Variants in GRK5 observed in about 807,000 individuals in gnomAD.
The protein encoded by GRK5 is G protein-coupled receptor kinase 5.
A neutral mutation model predicts 78.4 loss-of-function variants in GRK5; 40 were observed. The ratio of observed to expected loss-of-function variants is 0.51; its 90% CI spans 0.40 to 0.66. GRK5 has a LOEUF of 0.66. Ranked by LOEUF, GRK5 falls within the 30% of genes least tolerant of loss-of-function variation. The probability of loss-of-function intolerance (pLI) is 0.00; values close to 1 mark genes in which losing one functional copy is unlikely to be tolerated. For synonymous variants in GRK5, 289 were observed against 296.8 expected (o/e 0.97, Z 0.27); for missense variants, 598 against 759.9 (o/e 0.79, Z 2.50).
At chr10:119,403,082 C>T (rs1241198963) in intron 4 of GRK5, among the ~76,000 whole-genome samples, 1 of 152,226 alleles carries the variant, frequency 6.6e-6, no homozygotes, top group Non-Finnish European at 1.5e-5. Context: ...CAGGCCCTGA[C>T]AGCCACTAAT....
intron 4 of GRK5, 119 bp from the exon 5 acceptor site, chr10:119,423,047 G>A: frequency 2.8e-6 from 2 of 717,600 alleles, no homozygotes; most frequent in South Asian, 1.6e-5. Context: ...GCACAGACGG[G>A]CTGCCAGATG....
At chr10:119,447,389 C>T (rs1002342083) in intron 12 of GRK5, among the ~76,000 whole-genome samples, 1 of 152,202 alleles carries the variant, frequency 6.6e-6, no homozygotes, top group Non-Finnish European at 1.5e-5. Context: ...CCCATCTCTG[C>T]ACCCTCCTCC....
chr10:119,400,998 A>T (rs1852140501), intron 4 of GRK5, among the ~76,000 whole-genome samples: 1 of 152,162 alleles, frequency 6.6e-6, no homozygotes, highest in Non-Finnish European at 1.5e-5. Flanking sequence ...TTCATTTTGG[A>T]TGGAGACAGT....
At chr10:119,424,761 C>G (rs548140581) in intron 5 of GRK5, among the ~76,000 whole-genome samples, 12 of 152,290 alleles carry the variant, frequency 7.9e-5, no homozygotes, top group Non-Finnish European at 1.6e-4. Context: ...CCAGCTATAT[C>G]CCAGGGCCTA....
At chr10:119,306,801 T>A (rs1434852634) in intron 1 of GRK5, among the ~76,000 whole-genome samples, 1 of 152,070 alleles carries the variant, frequency 6.6e-6, no homozygotes, top group Non-Finnish European at 1.5e-5. Context: ...TCCCTCCAGG[T>A]GACTCACTGG....
intron 1 of GRK5, among the ~76,000 whole-genome samples, chr10:119,242,584 C>T (rs558521728): frequency 1.1e-4 from 17 of 150,108 alleles, no homozygotes; most frequent in African/African-American, 3.9e-4. Context: ...GGCTTTGTGT[C>T]CCCACCCAAA....
At chr10:119,212,705 G>C (rs1412744453) in intron 1 of GRK5, among the ~76,000 whole-genome samples, 1 of 152,142 alleles carries the variant, frequency 6.6e-6, no homozygotes, top group Non-Finnish European at 1.5e-5. Context: ...GTTACCAAAA[G>C]GCATTATTGT....
At chr10:119,307,302 C>T (rs142632168) in intron 1 of GRK5, among the ~76,000 whole-genome samples, 9 of 152,080 alleles carry the variant, frequency 5.9e-5, no homozygotes, top group African/African-American at 2.2e-4. Flanking sequence ...GAATCATGGT[C>T]CCCTAAAGAT....
intron 1 of GRK5, among the ~76,000 whole-genome samples, chr10:119,250,206 A>G (rs766954608): frequency 2.0e-5 from 3 of 151,972 alleles, no homozygotes; most frequent in Non-Finnish European, 4.4e-5. Flanking sequence ...TGACCTGTAA[A>G]TTTTCATTTT....
rs368066639 is a variant in GRK5, at chr10:119,436,833, C to T, written c.921C>T (p.Thr307=). 1.1e-5 allele frequency: 18 copies of T among 1,599,506 alleles called. No individual in the cohort carries two copies. The African/African-American group carries it at 1.5e-4, about 13-fold the overall frequency. The part of the protein sequence containing the change: ...CGLEDLHREN[T]VYRDLKPENI... The stretch of plus-strand genomic sequence containing the variant: ...TAGAAGACCTCCACCGTGAGAACAC[C>T]GTCTACCGGTGAGTGGAAGGCACCA... Residue 307 remains threonine, a synonymous_variant, in exon 9 of 16, where the codon ACC becomes ACT. Transcript: ENST00000392870.
intron 1 of GRK5, among the ~76,000 whole-genome samples, chr10:119,212,340 A>T (rs1244261182): frequency 6.6e-6 from 1 of 152,252 alleles, no homozygotes; most frequent in African/African-American, 2.4e-5. Context: ...TCAGTAGCTT[A>T]GCTGCTGCTT....
intron 1 of GRK5, among the ~76,000 whole-genome samples, chr10:119,285,098 T>A (rs1052143131): frequency 2.0e-5 from 3 of 151,918 alleles, no homozygotes; most frequent in Admixed American, 6.6e-5. Context: ...AGAGAGGAGG[T>A]CTCAGGGCTC....
chr10:119,341,220 C>T (rs1484952117), intron 2 of GRK5, among the ~76,000 whole-genome samples: 2 of 152,196 alleles, frequency 1.3e-5, no homozygotes, highest in Non-Finnish European at 2.9e-5. Flanking sequence ...CTACTTCCAA[C>T]CAAGCTCCAT....
intron 1 of GRK5, among the ~76,000 whole-genome samples, chr10:119,250,157 ATTGT>A (rs1390948334): frequency 6.6e-6 from 1 of 152,118 alleles, no homozygotes; most frequent in Non-Finnish European, 1.5e-5. Flanking sequence ...GAACATGCTC[ATTGT>A]TTGTTGAGTG....
intron 2 of GRK5, among the ~76,000 whole-genome samples, chr10:119,341,456 C>G (rs1315894205): frequency 3.3e-5 from 5 of 152,186 alleles, no homozygotes; most frequent in African/African-American, 4.8e-5. Flanking sequence ...CTGGGCTGTT[C>G]CCTCTGCTGG....
intron 4 of GRK5, among the ~76,000 whole-genome samples, chr10:119,404,838 A>G (rs1192858135): frequency 6.6e-6 from 1 of 152,092 alleles, no homozygotes; most frequent in Admixed American, 6.5e-5. Flanking sequence ...CCTCTTACAG[A>G]CTTGCTCCTG....
At chr10:119,423,083 T>TC in intron 4 of GRK5, 83 bp from the exon 5 acceptor site, 1 of 885,160 alleles carries the variant, frequency 1.1e-6, no homozygotes, top group Admixed American at 1.7e-5. Flanking sequence ...CGTGGCTGGT[T>TC]CTTGGCCCAA....
intron 1 of GRK5, among the ~76,000 whole-genome samples, chr10:119,235,067 C>G (rs572559993): frequency 5.9e-5 from 9 of 152,246 alleles, no homozygotes; most frequent in Admixed American, 5.9e-4. Flanking sequence ...CTCTGCCTTC[C>G]CAGGCTTGGG....
At chr10:119,302,237 G>A (rs1850195791) in intron 1 of GRK5, among the ~76,000 whole-genome samples, 1 of 152,178 alleles carries the variant, frequency 6.6e-6, no homozygotes, top group South Asian at 2.1e-4. Flanking sequence ...GCCTGTGGAG[G>A]CCTCACAGTG....
Sources: allele counts gnomAD v4.1 joint callset (sites outside exome capture counted in the v4.1 genomes callset), GRCh38; gene constraint gnomAD v4.1.1; transcripts MANE v1.5; gene names NCBI Gene and HGNC (gene_info 2026-07-23, HGNC 2026-07-21).